The following TBX15 variants were observed in gnomAD, a reference collection of about 807,000 sequenced individuals.
TBX15 encodes T-box transcription factor 15, also known as T-box transcription factor TBX15.
In TBX15, 18 loss-of-function variants were observed where a neutral mutation model predicts 53.9. That is an observed-to-expected ratio of 0.33 (90% CI 0.23 to 0.49). The LOEUF is 0.49. Ranked by LOEUF, TBX15 falls within the 20% of genes least tolerant of loss-of-function variation. TBX15 has a pLI of 0.98. For missense variants in TBX15, 692 were observed against 749.5 expected (o/e 0.92, Z 0.90); for synonymous variants, 295 against 278.0 (o/e 1.06, Z -0.61).
chr1:118,898,395 C>T (rs1654502763), intron 7 of TBX15, among the ~76,000 whole-genome samples: 1 of 152,112 alleles, frequency 6.6e-6, no homozygotes, highest in Non-Finnish European at 1.5e-5. Context: ...AGTCACAACC[C>T]ATCTGGCCAC....
At chr1:118,989,378 T>A (rs1045338633), upstream of TBX15, 2 of 152,124 alleles carry the variant, frequency 1.3e-5, no homozygotes, top group African/African-American at 4.8e-5. Flanking sequence ...ACGCCACCGG[T>A]CGAGGACGGC....
In TBX15 at chr1:118,930,502, G is replaced by A. The variant is rs181878869; in HGVS notation, c.419+1117C>T. ...ACGATCTTGGCTCACTGCAACCTCC[G>A]CCTCCCAGCTTCAAGCGATTCTCCT... On this transcript the variant is annotated intron_variant, in intron 2 of 7. Transcript: ENST00000369429. Among the ~76,000 whole-genome samples, 339 of 152,176 alleles carry A rather than the reference G, an allele frequency of 2.2e-3. 2 individuals carry two copies. The highest frequency in any genetic ancestry group is 3.9e-3 in the Non-Finnish European group (265 of 67,998).
chr1:118,911,908 C>T (rs1360679627), intron 6 of TBX15, among the ~76,000 whole-genome samples: 1 of 152,176 alleles, frequency 6.6e-6, no homozygotes, highest in East Asian at 1.9e-4. Context: ...AAGTGTCTTC[C>T]ACTCTCACTC....
Position 118,906,564 on chromosome 1 carries a change from A to G in TBX15, c.927-7439T>C, listed in dbSNP as rs182792713. ...GCCCAAGAGAGGTGGTTCTTTATAA[A>G]CATGGCCATGGGACAGCAGCTGCTG... On this transcript the variant is annotated intron_variant, in intron 6 of 7. Transcript: ENST00000369429. Among the ~76,000 whole-genome samples, 110 of 152,208 alleles carry G rather than the reference A, an allele frequency of 7.2e-4. 5 individuals carry two copies. Among genetic ancestry groups the G allele is most frequent in the Non-Finnish European group, 6.8e-4 (46 of 68,008 alleles).
At chr1:118,947,046 G>GC (rs1557895448) in intron 1 of TBX15, among the ~76,000 whole-genome samples, 1 of 152,228 alleles carries the variant, frequency 6.6e-6, no homozygotes, top group Non-Finnish European at 1.5e-5. Flanking sequence ...GTGCTCTTAG[G>GC]CAGTGGTCCC....
At chr1:118,890,493 C>T (rs1351012363) in intron 7 of TBX15, among the ~76,000 whole-genome samples, 1 of 152,262 alleles carries the variant, frequency 6.6e-6, no homozygotes, top group African/African-American at 2.4e-5. Context: ...TCCTATTTTA[C>T]CCATGGGCCA....
At chr1:118,981,543 C>A (rs983340981) in intron 1 of TBX15, among the ~76,000 whole-genome samples, 3 of 152,196 alleles carry the variant, frequency 2.0e-5, no homozygotes, top group African/African-American at 7.2e-5. Context: ...GAAAAGTAGT[C>A]ATTTGCAAGG....
rs548273773 is a variant in TBX15, at chr1:118,960,109, G to A, written c.205+27482C>T. Among the ~76,000 whole-genome samples, 55 of 152,266 alleles carry A rather than the reference G, an allele frequency of 3.6e-4. No homozygotes were observed. In the South Asian group the frequency reaches 5.2e-3, roughly 14 times the overall value. On this transcript the variant is annotated intron_variant, in intron 1 of 7. Coordinates refer to ENST00000369429, the MANE Select transcript of TBX15 (RefSeq NM_001330677.2). ...AAGAGAAAAGGGAAGTCAGAGCAAGGGAGAAGAATGTCTGGCAGGAGCCTG... is the reference window on the plus strand; with the variant it reads ...AAGAGAAAAGGGAAGTCAGAGCAAGAGAGAAGAATGTCTGGCAGGAGCCTG...
Position 118,923,466 on chromosome 1 carries a change from G to A in TBX15, c.831C>T (p.Phe277=), listed in dbSNP as rs2101591679. The change falls in exon 5 of 8, where the codon TTC becomes TTT. Residue 277 remains phenylalanine, a synonymous_variant. Transcript: ENST00000369429. ...GATTCTGATAGGCCGTAACTGTGGTGAACACAGTCTCAGGAAAGTTGAACG... is the reference window on the plus strand; with the variant it reads ...GATTCTGATAGGCCGTAACTGTGGTAAACACAGTCTCAGGAAAGTTGAACG... ...VKTFNFPETV[F]TTVTAYQNQQ... 5.0e-6 allele frequency: 8 copies of A among 1,613,890 alleles called. No individual in the cohort carries two copies. Among genetic ancestry groups the A allele is most frequent in the Non-Finnish European group, 6.8e-6 (8 of 1,179,912 alleles).
At chr1:118,956,156 C>A (rs1019232266) in intron 1 of TBX15, among the ~76,000 whole-genome samples, 4 of 152,156 alleles carry the variant, frequency 2.6e-5, no homozygotes, top group African/African-American at 9.7e-5. Context: ...CTTGGACTTC[C>A]CAGCCTTCAG....
At chr1:118,952,831 T>C (rs1216832615) in intron 1 of TBX15, among the ~76,000 whole-genome samples, 1 of 152,184 alleles carries the variant, frequency 6.6e-6, no homozygotes, top group Non-Finnish European at 1.5e-5. Context: ...CAAGTATTTA[T>C]TTTACTTGAA....
At position 118,973,177 on chromosome 1, in the gene TBX15, A is replaced by G. The variant is rs146091011; in HGVS notation, c.205+14414T>C. Among the ~76,000 whole-genome samples, 40 of 152,332 alleles carry G rather than the reference A, an allele frequency of 2.6e-4. No homozygotes were observed. In the East Asian group the frequency reaches 5.4e-3, roughly 21 times the overall value. On this transcript the variant is annotated intron_variant, in intron 1 of 7. Coordinates refer to ENST00000369429, the MANE Select transcript of TBX15 (RefSeq NM_001330677.2). ...ATTATTGCCCTCATTTGACATGTAC[A>G]CAGCTGAGGTACAGTGTGCCCAGGT...
chr1:118,885,331 G>T lies in TBX15; in HGVS notation c.1210C>A (p.Arg404=), dbSNP rs1450879747. ...LNLSDYPPCA[R]SNMAALQSYP... is the part of the protein sequence containing the mutation. ...CTCTGCAAGGCAGCCATGTTGCTTCGGGCACATGGTGGATAATCAGAGAGG... is the reference window on the plus strand; with the variant it reads ...CTCTGCAAGGCAGCCATGTTGCTTCTGGCACATGGTGGATAATCAGAGAGG... The change falls in exon 8 of 8, where the codon CGA becomes AGA. Residue 404 remains arginine, a synonymous_variant. Coordinates refer to ENST00000369429, the MANE Select transcript of TBX15 (RefSeq NM_001330677.2). 19 of 1,614,022 alleles carry T rather than the reference G, an allele frequency of 1.2e-5. No individual in the cohort carries two copies. The highest frequency in any genetic ancestry group is 1.4e-5 in the Non-Finnish European group (17 of 1,180,026).
At chr1:118,960,691 C>T (rs575017192) in intron 1 of TBX15, among the ~76,000 whole-genome samples, 31 of 152,254 alleles carry the variant, frequency 2.0e-4, no homozygotes, top group Admixed American at 1.8e-3. Context: ...CTGAGTGAGC[C>T]GGCAGAGTCT....
intron 2 of TBX15, among the ~76,000 whole-genome samples, chr1:118,929,411 A>G (rs1440588275): frequency 6.6e-6 from 1 of 152,224 alleles, no homozygotes; most frequent in African/African-American, 2.4e-5. Flanking sequence ...GAAATTAACC[A>G]GGAGAATGAG....
At chr1:118,948,156 T>C (rs1656402686) in intron 1 of TBX15, among the ~76,000 whole-genome samples, 1 of 152,078 alleles carries the variant, frequency 6.6e-6, no homozygotes. Flanking sequence ...TTATGCTAAG[T>C]GCCTTTTCCT....
chr1:118,908,718 C>A (rs1041772750), intron 6 of TBX15, among the ~76,000 whole-genome samples: 1 of 152,062 alleles, frequency 6.6e-6, no homozygotes, highest in Admixed American at 6.6e-5. Flanking sequence ...TTCCCCACGA[C>A]GTGAACACAC....
intron 1 of TBX15, among the ~76,000 whole-genome samples, chr1:118,934,179 G>T (rs961004126): frequency 2.0e-5 from 3 of 152,126 alleles, no homozygotes; most frequent in Non-Finnish European, 4.4e-5. Flanking sequence ...ACCACAGGGG[G>T]GGCCTAGGTC....
intron 5 of TBX15, among the ~76,000 whole-genome samples, chr1:118,921,641 T>C (rs1655428304): frequency 6.6e-6 from 1 of 152,218 alleles, no homozygotes; most frequent in Non-Finnish European, 1.5e-5. Flanking sequence ...GTCTAGCCCA[T>C]TGCTGTCTGT....
Sources: gnomAD v4.1 joint callset for allele counts (sites outside exome capture counted in the v4.1 genomes callset) on GRCh38, gnomAD v4.1.1 for gene constraint, MANE v1.5 for transcripts, NCBI Gene and HGNC (gene_info 2026-07-23, HGNC 2026-07-21) for gene names.